Variants in MALRD1 observed in about 807,000 individuals in gnomAD.
MALRD1 encodes MAM and LDL-receptor class A domain-containing protein 1.
A neutral mutation model predicts 242.1 loss-of-function variants in MALRD1; 247 were observed. That is an observed-to-expected ratio of 1.02 (90% CI 0.92 to 1.13). The LOEUF (loss-of-function observed/expected upper bound fraction) is 1.13. MALRD1 is among the 50% of genes most tolerant of loss of function. MALRD1 has a pLI of 0.00. For synonymous variants in MALRD1, 995 were observed against 866.6 expected (o/e 1.15, Z -2.60); for missense variants, 2,989 against 2,533.1 (o/e 1.18, Z -3.86).
chr10:19,437,515 A>T (rs953033), intron 28 of MALRD1, among the ~76,000 whole-genome samples: 109,145 of 151,652 alleles, frequency 0.72, 39,399 homozygotes, highest in Non-Finnish European at 0.76. Flanking sequence ...TATTATTATT[A>T]TTTTTTGTTA....
chr10:19,491,205 A>G, intron 29 of MALRD1: 2 of 565,418 alleles, frequency 3.5e-6, no homozygotes, highest in Non-Finnish European at 6.5e-6. Context: ...GGCAGGCTGC[A>G]CATACCCTTT....
chr10:19,555,022 G>A (rs1042688986), intron 32 of MALRD1, among the ~76,000 whole-genome samples: 30 of 152,066 alleles, frequency 2.0e-4, no homozygotes, highest in African/African-American at 6.8e-4. Context: ...CAGTGTAAAA[G>A]CATTCCTATT....
intron 26 of MALRD1, among the ~76,000 whole-genome samples, chr10:19,371,142 C>T (rs1291930330): frequency 9.3e-5 from 14 of 150,018 alleles, no homozygotes; most frequent in African/African-American, 2.7e-4. Flanking sequence ...ATGCACCTGT[C>T]GTCCCAGCTC....
At position 19,404,515 on chromosome 10, in the gene MALRD1, T is replaced by C. The variant is rs1033753071; in HGVS notation, c.4845+14906T>C. On this transcript the variant is annotated intron_variant, in intron 28 of 39. Coordinates refer to ENST00000454679, the MANE Select transcript of MALRD1 (RefSeq NM_001142308.3). Reference sequence around the variant, plus strand: ...TTCCTGTAAACTTCCAAGCCACAAATATATGTGTTTTTTTCTAAGTAGCTT... The same window carrying C: ...TTCCTGTAAACTTCCAAGCCACAAACATATGTGTTTTTTTCTAAGTAGCTT... 7.9e-5 allele frequency among the ~76,000 whole-genome samples: 12 copies of C among 152,180 alleles called. No individual in the cohort carries two copies. The East Asian group carries it at 2.3e-3, about 29-fold the overall frequency.
chr10:19,636,916 C>T (rs531894406), intron 36 of MALRD1, among the ~76,000 whole-genome samples: 1 of 146,364 alleles, frequency 6.8e-6, no homozygotes, highest in South Asian at 2.1e-4. Context: ...AAAAAAAACG[C>T]AGAGTAGATT....
At chr10:19,410,279 A>G (rs1485934760) in intron 28 of MALRD1, among the ~76,000 whole-genome samples, 1 of 152,162 alleles carries the variant, frequency 6.6e-6, no homozygotes, top group African/African-American at 2.4e-5. Context: ...ATTTAGTATG[A>G]TAAATAGTTT....
intron 38 of MALRD1, among the ~76,000 whole-genome samples, chr10:19,694,783 T>A (rs1833289466): frequency 1.3e-5 from 2 of 152,170 alleles, no homozygotes; most frequent in Non-Finnish European, 2.9e-5. Context: ...GTACGTTTAT[T>A]GCGGCACTAT....
intron 18 of MALRD1, among the ~76,000 whole-genome samples, chr10:19,228,850 T>C (rs1434351840): frequency 1.3e-5 from 2 of 152,120 alleles, no homozygotes; most frequent in Non-Finnish European, 2.9e-5. Context: ...TTGAAGACTT[T>C]ACTTCAAAAA....
chr10:19,588,179 A>G (rs1197348423), intron 33 of MALRD1, among the ~76,000 whole-genome samples: 1 of 152,092 alleles, frequency 6.6e-6, no homozygotes, highest in Non-Finnish European at 1.5e-5. Flanking sequence ...TCCAATTTCT[A>G]TATTGTTGAT....
chr10:19,697,157 AAGAG>A (rs961817905), intron 38 of MALRD1, among the ~76,000 whole-genome samples: 1 of 152,014 alleles, frequency 6.6e-6, no homozygotes. Context: ...GAGAAAGAGA[AAGAG>A]AGAGAGAGAT....
chr10:19,441,606 A>G (rs1039413814), intron 28 of MALRD1, among the ~76,000 whole-genome samples: 1 of 148,352 alleles, frequency 6.7e-6, no homozygotes, highest in Non-Finnish European at 1.5e-5. Flanking sequence ...GAATCCTTCT[A>G]GTTTTTGTCA....
At chr10:19,148,330 A>G (rs1833799911) in intron 11 of MALRD1, among the ~76,000 whole-genome samples, 1 of 152,120 alleles carries the variant, frequency 6.6e-6, no homozygotes, top group Admixed American at 6.5e-5. Context: ...CACTGCACCC[A>G]TGTCTAAATA....
Position 19,136,707 on chromosome 10 carries a change from GCATCGCCAAAGAAT to G in MALRD1, c.1339_1352del (p.Ile447CysfsTer3). On this transcript the variant is annotated frameshift_variant, in exon 10 of 40. Transcript: ENST00000454679. LOFTEE classifies it high-confidence loss of function. ...GAATTCCCTTGCACTAGTGGCCAGT[GCATCGCCAAAGAAT>G]CTGTCTGTGACTCTCGGCAGGACTG... 8.1e-7 allele frequency: 1 copy of G among 1,231,704 alleles called. No homozygotes were observed. Among genetic ancestry groups the G allele is most frequent in the South Asian group, 4.1e-5 (1 of 24,320 alleles). The allele number at this position is 1,231,704 out of a possible 1,614,324, so 76.3% of individuals were successfully genotyped here. A position where few individuals can be genotyped will look rare whatever the true frequency, so the allele number is the denominator to read the frequency against.
intron 14 of MALRD1, among the ~76,000 whole-genome samples, chr10:19,188,253 T>A (rs1835822208): frequency 6.6e-6 from 1 of 152,144 alleles, no homozygotes; most frequent in South Asian, 2.1e-4. Flanking sequence ...TTATTGATAG[T>A]TGCTAAGCAA....
chr10:19,540,986 A>G (rs1365400017), intron 32 of MALRD1, among the ~76,000 whole-genome samples: 4 of 152,106 alleles, frequency 2.6e-5, no homozygotes, highest in Admixed American at 2.6e-4. Flanking sequence ...AAAAAATGAA[A>G]CTAATTAAGT....
rs574507790 is a variant in MALRD1 at position 19,724,905 on chromosome 10, A to G, written c.6315-5801A>G. 1.1e-4 allele frequency: 16 copies of G among 152,328 alleles called. No individual in the cohort carries two copies. In the South Asian group the frequency reaches 3.1e-3, roughly 30 times the overall value. 9.4% of individuals were successfully genotyped at this position (152,328 alleles called of 1,614,324 possible). A position where few individuals can be genotyped will look rare whatever the true frequency, so the allele number is the denominator to read the frequency against. ...ACAAGGTATAAGAGCAACACTTAAA[A>G]ATCAGTTGTATTACTACATACCAGC... On this transcript the variant is annotated intron_variant, in intron 38 of 39. Coordinates refer to ENST00000454679, the MANE Select transcript of MALRD1 (RefSeq NM_001142308.3).
chr10:19,287,921 G>A (rs573029965), intron 21 of MALRD1, among the ~76,000 whole-genome samples: 2 of 152,196 alleles, frequency 1.3e-5, no homozygotes, highest in South Asian at 4.1e-4. Flanking sequence ...CTTGGAAGAA[G>A]GATATTCCTT....
chr10:19,123,571 T>C lies in MALRD1; in HGVS notation c.774T>C (p.Asp258=), dbSNP rs1461311512. The C allele has an allele frequency of 3.2e-6, 4 of 1,233,340 alleles. No individual in the cohort carries two copies. The highest frequency in any genetic ancestry group is 4.1e-6 in the Non-Finnish European group (4 of 987,654). The allele number at this position is 1,233,340 out of a possible 1,614,324, so 76.4% of individuals were successfully genotyped here. A position where few individuals can be genotyped will look rare whatever the true frequency, so the allele number is the denominator to read the frequency against. ...CHPDTDLCRF[D]ATDEELRLCQ... is the part of the protein sequence containing the mutation. ...CAGATACAGATCTCTGCAGATTTGATGCTACAGATGAAGAGTTGAGATGTA... is the reference window on the plus strand; with the variant it reads ...CAGATACAGATCTCTGCAGATTTGACGCTACAGATGAAGAGTTGAGATGTA... Residue 258 remains aspartate, a synonymous_variant, in exon 6 of 40, where the codon GAT becomes GAC. Transcript: ENST00000454679.
chr10:19,339,602 A>C (rs768927543), intron 24 of MALRD1, among the ~76,000 whole-genome samples: 22 of 152,116 alleles, frequency 1.4e-4, no homozygotes, highest in Non-Finnish European at 2.8e-4. Context: ...TTATGTCAGC[A>C]CTCCATTACA....
Sources: allele counts gnomAD v4.1 joint callset (sites outside exome capture counted in the v4.1 genomes callset), GRCh38; gene constraint gnomAD v4.1.1; transcripts MANE v1.5; gene names NCBI Gene and HGNC (gene_info 2026-07-23, HGNC 2026-07-21).